AKAP6: variants seen among roughly 807,000 people sequenced by gnomAD.
AKAP6 encodes A-kinase anchor protein 6.
A neutral mutation model predicts 188.5 loss-of-function variants in AKAP6; 58 were observed. The observed-to-expected ratio is 0.31, with a 90% CI of 0.25 to 0.38. The LOEUF is 0.38. Among genes scored for constraint, AKAP6 ranks in the 10% least tolerant of loss-of-function variants. The pLI is 1.00. For synonymous variants in AKAP6, 989 were observed against 998.6 expected, an observed-to-expected ratio of 0.99 and a Z score of 0.18; for missense variants, 2,710 against 2,740.0, an observed-to-expected ratio of 0.99 and a Z score of 0.24.
intron 7 of AKAP6, among the ~76,000 whole-genome samples, chr14:32,639,714 C>T (rs981949950): frequency 6.6e-6 from 1 of 152,126 alleles, no homozygotes; most frequent in African/African-American, 2.4e-5. Context: ...TTGATCCACT[C>T]AGGGAGGTTA....
chr14:32,824,376 C>T lies in AKAP6; in HGVS notation c.6563C>T (p.Pro2188Leu), dbSNP rs771705138. ...GCAGTTCCCAGCGAAGCTGCAATGC[C>T]ACTACAAGCAACAGCATGTTCTTCT... ...ESAVPSEAAM[P>L]LQATACSSEF... The change falls in exon 13 of 14, where the codon CCA becomes CTA. Residue 2188 changes from proline (P) to leucine (L), a missense_variant. Pro to Leu is a moderately conservative substitution (Grantham distance 98, BLOSUM62 -3). This residue lies in a region of AKAP6 where 2,473 missense variants were observed against 2,426.1 expected (regional missense o/e 1.02). Transcript: ENST00000280979. The T allele has an allele frequency of 1.2e-6, 2 of 1,613,934 alleles. No homozygotes were observed. Among genetic ancestry groups the T allele is most frequent in the Non-Finnish European group, 1.7e-6 (2 of 1,179,946 alleles).
At chr14:32,572,775 A>G (rs959692839) in intron 4 of AKAP6, among the ~76,000 whole-genome samples, 6 of 152,242 alleles carry the variant, frequency 3.9e-5, no homozygotes, top group Non-Finnish European at 7.3e-5. Flanking sequence ...TAGTCTTTAA[A>G]GAGATTGATG....
chr14:32,615,352 A>C (rs1331491578), intron 7 of AKAP6, among the ~76,000 whole-genome samples: 1 of 151,044 alleles, frequency 6.6e-6, no homozygotes, highest in Non-Finnish European at 1.5e-5. Flanking sequence ...ATATCATTGA[A>C]CAGCTGAATG....
In AKAP6 at chr14:32,822,226, A is replaced by C. The variant is rs760379339; in HGVS notation, c.4413A>C (p.Ser1471=). ...ATGTGTTTACATTTTATGATTACTC[A>C]TACCTCCAAGGCTCAAAACTCAAAT... ...KHDVFTFYDY[S]YLQGSKLKLP... Residue 1471 remains serine, a synonymous_variant, in exon 13 of 14, where the codon TCA becomes TCC. Coordinates refer to ENST00000280979, the MANE Select transcript of AKAP6 (RefSeq NM_004274.5). 6.2e-7 allele frequency: 1 copy of C among 1,613,950 alleles called. No homozygotes were observed. Among genetic ancestry groups the C allele is most frequent in the Non-Finnish European group, 8.5e-7 (1 of 1,179,930 alleles).
chr14:32,439,797 G>A (rs1028373118), intron 2 of AKAP6, among the ~76,000 whole-genome samples: 6 of 152,236 alleles, frequency 3.9e-5, no homozygotes, highest in East Asian at 1.9e-4. Flanking sequence ...TTACTGGCTC[G>A]GTGGATTCTG....
intron 7 of AKAP6, among the ~76,000 whole-genome samples, chr14:32,633,045 A>G (rs1038787835): frequency 1.3e-5 from 2 of 152,108 alleles, no homozygotes; most frequent in African/African-American, 4.8e-5. Flanking sequence ...GAAAGTATGG[A>G]CACATGTTAA....
At chr14:32,666,557 C>T (rs1036170610) in intron 7 of AKAP6, among the ~76,000 whole-genome samples, 1 of 151,918 alleles carries the variant, frequency 6.6e-6, no homozygotes, top group Non-Finnish European at 1.5e-5. Context: ...AATCTAAATA[C>T]TTTATTTTAT....
chr14:32,724,663 T>A (rs1325625535), intron 9 of AKAP6, among the ~76,000 whole-genome samples: 1 of 152,154 alleles, frequency 6.6e-6, no homozygotes, highest in African/African-American at 2.4e-5. Context: ...AGCAAATGCC[T>A]TCCTACTAAG....
intron 11 of AKAP6, among the ~76,000 whole-genome samples, chr14:32,759,315 A>T (rs955692707): frequency 1.3e-5 from 2 of 152,172 alleles, no homozygotes; most frequent in Non-Finnish European, 2.9e-5. Flanking sequence ...CTAGGCAGTA[A>T]CCTAGGTTCC....
chr14:32,457,221 A>G (rs1353072528), intron 2 of AKAP6, among the ~76,000 whole-genome samples: 1 of 152,214 alleles, frequency 6.6e-6, no homozygotes, highest in East Asian at 1.9e-4. Flanking sequence ...AGTGGTATCT[A>G]CTGAGTAGGG....
chr14:32,412,017 T>C (rs935255394), intron 1 of AKAP6, among the ~76,000 whole-genome samples: 2 of 152,108 alleles, frequency 1.3e-5, no homozygotes, highest in African/African-American at 4.8e-5. Flanking sequence ...AGGATCTTGG[T>C]TTTTGTGAGG....
Position 32,732,550 on chromosome 14 carries a change from G to A in AKAP6, c.3097G>A (p.Asp1033Asn). ...LKKGGVLLPNDLLEKVDSINE... is the reference protein window; with the variant it reads ...LKKGGVLLPNNLLEKVDSINE... Reference sequence around the variant, plus strand: ...GAAAGGTGGCGTTTTACTACCAAATGATCTCCTTGAAAAAGTGGATTCAAT... The same window carrying A: ...GAAAGGTGGCGTTTTACTACCAAATAATCTCCTTGAAAAAGTGGATTCAAT... Residue 1033 changes from aspartate to asparagine, a missense_variant, in exon 10 of 14, where the codon GAT (aspartate) becomes AAT (asparagine). Asp to Asn is a conservative substitution (Grantham distance 23). Coordinates refer to ENST00000280979, the MANE Select transcript of AKAP6 (RefSeq NM_004274.5). The A allele has an allele frequency of 6.2e-7, 1 of 1,613,578 alleles. No individual in the cohort carries two copies.
chr14:32,455,017 A>T (rs1891109018), intron 2 of AKAP6, among the ~76,000 whole-genome samples: 1 of 149,788 alleles, frequency 6.7e-6, no homozygotes, highest in South Asian at 2.2e-4. Flanking sequence ...CCAGACCAGA[A>T]TGTGGTAGCA....
intron 1 of AKAP6, among the ~76,000 whole-genome samples, chr14:32,370,059 C>T (rs1229758508): frequency 6.6e-6 from 1 of 152,126 alleles, no homozygotes; most frequent in Non-Finnish European, 1.5e-5. Context: ...AAATTATAAC[C>T]TCCTAGAGCA....
At chr14:32,732,692 T>C (rs781758795) in intron 10 of AKAP6, 92 bp downstream of exon 10, 1 of 1,389,716 alleles carries the variant, frequency 7.2e-7, no homozygotes, top group Admixed American at 1.7e-5. Context: ...GGCACAAATA[T>C]CTCTCTCTTT....
At chr14:32,524,507 G>A (rs1231573640) in intron 2 of AKAP6, among the ~76,000 whole-genome samples, 9 of 151,950 alleles carry the variant, frequency 5.9e-5, no homozygotes, top group African/African-American at 1.5e-4. Context: ...TTATTTGTGT[G>A]TGTGAGACAG....
At chr14:32,540,131 G>GCGCTCTCTCTCT (rs1306141242) in intron 3 of AKAP6, among the ~76,000 whole-genome samples, 2 of 66,504 alleles carry the variant, frequency 3.0e-5, no homozygotes, top group Admixed American at 2.3e-4. Flanking sequence ...TTGCTCGTGC[G>GCGCTCTCTCTCT]CTCTCTCTCT....
At chr14:32,452,418 A>C (rs1034848659) in intron 2 of AKAP6, among the ~76,000 whole-genome samples, 1 of 152,164 alleles carries the variant, frequency 6.6e-6, no homozygotes, top group African/African-American at 2.4e-5. Context: ...TCATGGATAT[A>C]TAGGTTGCTT....
At chr14:32,805,578 A>C (rs2034068245) in intron 12 of AKAP6, among the ~76,000 whole-genome samples, 1 of 152,196 alleles carries the variant, frequency 6.6e-6, no homozygotes, top group Non-Finnish European at 1.5e-5. Flanking sequence ...GAAATAATGG[A>C]TATTAAGCCT....
Sources: allele counts gnomAD v4.1 joint callset (sites outside exome capture counted in the v4.1 genomes callset), GRCh38; gene constraint gnomAD v4.1.1; regional missense constraint gnomAD v4.1.1; transcripts MANE v1.5; gene names NCBI Gene and HGNC (gene_info 2026-07-23, HGNC 2026-07-21).